Variants in TEX9 observed in about 807,000 individuals in gnomAD.
TEX9 encodes the protein testis expressed 9.
TEX9 carries 74 observed loss-of-function variants against 59.6 expected under a neutral mutation model. The observed-to-expected ratio is 1.24, with a 90% CI of 1.03 to 1.51. The LOEUF is 1.51. TEX9 is among the 40% of genes most tolerant of loss of function. The pLI is 0.00. For synonymous variants in TEX9, 186 were observed against 152.2 expected (o/e 1.22, Z -1.64); for missense variants, 522 against 447.8 (o/e 1.17, Z -1.49).
intron 1 of TEX9, among the ~76,000 whole-genome samples, chr15:56,266,867 T>C (rs1194066528): frequency 1.3e-5 from 2 of 152,220 alleles, no homozygotes; most frequent in African/African-American, 4.8e-5. Flanking sequence ...GGTCAGATGG[T>C]ATTTCTAGTT....
upstream of TEX9, chr15:56,365,349 G>T: frequency 6.9e-7 from 1 of 1,455,542 alleles, no homozygotes; most frequent in South Asian, 1.4e-5. Context: ...CAGAACCTGA[G>T]AGTGGGAAGG....
At chr15:56,321,178 C>T (rs952936559) in intron 1 of TEX9, among the ~76,000 whole-genome samples, 2 of 151,728 alleles carry the variant, frequency 1.3e-5, no homozygotes, top group Admixed American at 1.3e-4. Context: ...GTGATATAAT[C>T]AAAGAGGAAT....
At chr15:56,451,355 A>G in the TEX9 span, among the ~76,000 whole-genome samples, 4 of 152,262 alleles carry the variant, frequency 2.6e-5, no homozygotes, top group African/African-American at 9.6e-5. Context: ...GGAAAGGGCA[A>G]GTGAAGATAC....
At chr15:56,399,790 G>A (rs1396089611) in intron 9 of TEX9, among the ~76,000 whole-genome samples, 1 of 152,198 alleles carries the variant, frequency 6.6e-6, no homozygotes, top group African/African-American at 2.4e-5. Flanking sequence ...AATATCTGCT[G>A]TTCTGCAATA....
intron 12 of TEX9, among the ~76,000 whole-genome samples, chr15:56,436,910 T>C (rs1390720680): frequency 4.6e-5 from 7 of 152,114 alleles, no homozygotes; most frequent in Admixed American, 1.3e-4. Context: ...TGGGAAGAAG[T>C]TGAATCCCTG....
At chr15:56,307,325 T>G (rs910755594) in intron 1 of TEX9, among the ~76,000 whole-genome samples, 1 of 152,220 alleles carries the variant, frequency 6.6e-6, no homozygotes, top group Non-Finnish European at 1.5e-5. Flanking sequence ...TACCCAATTT[T>G]GGATTCCCCA....
chr15:56,251,057 T>C (rs1180819763), intron 1 of TEX9, among the ~76,000 whole-genome samples: 3 of 152,242 alleles, frequency 2.0e-5, no homozygotes, highest in African/African-American at 7.2e-5. Context: ...TCAGGAAAGG[T>C]AATTTCTTAT....
chr15:56,309,710 T>TTTTTTA (rs1328218126), intron 1 of TEX9, among the ~76,000 whole-genome samples: 2 of 132,684 alleles, frequency 1.5e-5, no homozygotes, highest in Non-Finnish European at 3.4e-5. Flanking sequence ...TTTTTTTTTT[T>TTTTTTA]TTTTTTTTTT....
chr15:56,249,126 A>G (rs984694705), intron 1 of TEX9: 1 of 152,180 alleles, frequency 6.6e-6, no homozygotes, highest in Non-Finnish European at 1.5e-5. Flanking sequence ...CAAAAAACAA[A>G]CAAAAGGTGT....
At chr15:56,299,150 C>T (rs1472562295) in intron 1 of TEX9, among the ~76,000 whole-genome samples, 1 of 152,204 alleles carries the variant, frequency 6.6e-6, no homozygotes, top group Non-Finnish European at 1.5e-5. Context: ...TCTTTAATTG[C>T]TGACGCCACC....
intron 1 of TEX9, among the ~76,000 whole-genome samples, chr15:56,354,594 C>A (rs1205599704): frequency 2.0e-5 from 3 of 152,120 alleles, no homozygotes; most frequent in African/African-American, 7.2e-5. Context: ...AGTATTTAAA[C>A]CTTGTTCCCT....
At chr15:56,422,392 C>G (rs995384421) in intron 10 of TEX9, among the ~76,000 whole-genome samples, 2 of 151,424 alleles carry the variant, frequency 1.3e-5, no homozygotes, top group Non-Finnish European at 2.9e-5. Flanking sequence ...TTAGTTGGCC[C>G]GTATGTTTTC....
At chr15:56,394,618 T>A (rs773011067) in intron 8 of TEX9, 43 bp from the exon 9 acceptor site, 1 of 1,360,216 alleles carries the variant, frequency 7.4e-7, no homozygotes, top group Non-Finnish European at 1.0e-6. Context: ...TGATAACAAA[T>A]CTTACATATT....
At chr15:56,260,341 C>T (rs2044236363) in intron 1 of TEX9, among the ~76,000 whole-genome samples, 1 of 152,070 alleles carries the variant, frequency 6.6e-6, no homozygotes. Flanking sequence ...TATTTCACCA[C>T]TAAATATGTT....
At chr15:56,437,778 C>CA (rs2050753512) in intron 12 of TEX9, among the ~76,000 whole-genome samples, 1 of 152,186 alleles carries the variant, frequency 6.6e-6, no homozygotes, top group Admixed American at 6.5e-5. Context: ...TCTCAGGATA[C>CA]AAAATCAATG....
chr15:56,261,970 C>T (rs2044279772), intron 1 of TEX9, among the ~76,000 whole-genome samples: 1 of 152,118 alleles, frequency 6.6e-6, no homozygotes, highest in Non-Finnish European at 1.5e-5. Flanking sequence ...TGGAATTCCA[C>T]CTTCTGGGGT....
chr15:56,433,016 A>AT lies in TEX9; in HGVS notation c.*29+4543_*29+4544insT, dbSNP rs2050639450. 3.3e-5 allele frequency among the ~76,000 whole-genome samples: 5 copies of AT among 152,214 alleles called. No homozygotes were observed. In the South Asian group the frequency reaches 1.0e-3, roughly 31 times the overall value. On this transcript the variant is annotated intron_variant, in intron 12 of 12. Coordinates refer to ENST00000352903, the Ensembl canonical transcript of TEX9. Reference sequence around the variant, plus strand: ...TTTACGGATGAGACATAAATAAGTCAATGTATCCAAAGCCAAAAACTTCAT... The same window carrying AT: ...TTTACGGATGAGACATAAATAAGTCATATGTATCCAAAGCCAAAAACTTCAT...
chr15:56,331,287 A>G (rs79841243), intron 1 of TEX9, among the ~76,000 whole-genome samples: 6,692 of 152,304 alleles, frequency 0.044, 224 homozygotes, highest in Admixed American at 0.086. Context: ...CTTAGTCTGC[A>G]CTGTGGACCA....
chr15:56,362,512 C>T (rs913777253), upstream of TEX9, among the ~76,000 whole-genome samples: 4 of 152,110 alleles, frequency 2.6e-5, no homozygotes, highest in East Asian at 1.9e-4. Flanking sequence ...CTTTATCCCT[C>T]GATGTTGTAA....
Sources: gnomAD v4.1 joint callset for allele counts (sites outside exome capture counted in the v4.1 genomes callset) on GRCh38, gnomAD v4.1.1 for gene constraint, MANE v1.5 for transcripts, NCBI Gene and HGNC (gene_info 2026-07-23, HGNC 2026-07-21) for gene names.